Variants in POLDIP3 observed in about 807,000 individuals in gnomAD.
The protein encoded by POLDIP3 is DNA polymerase delta interacting protein 3, also known as polymerase delta-interacting protein 3.
In POLDIP3, 14 loss-of-function variants were observed where a neutral mutation model predicts 45.1. The ratio of observed to expected loss-of-function variants is 0.31; its 90% CI spans 0.20 to 0.49. POLDIP3 has a LOEUF of 0.49. Among genes scored for constraint, POLDIP3 ranks in the 20% least tolerant of loss-of-function variants. POLDIP3 has a pLI of 0.99. For synonymous variants in POLDIP3, 223 were observed against 205.2 expected (o/e 1.09, Z -0.74); for missense variants, 511 against 538.8 (o/e 0.95, Z 0.51).
At chr22:42,592,137 G>A (rs924529840) in intron 6 of POLDIP3, 53 bp from the exon 7 acceptor site, 52 of 1,609,002 alleles carry the variant, frequency 3.2e-5, no homozygotes, top group African/African-American at 2.9e-4. Flanking sequence ...AGCACCTGCC[G>A]CTCACACACT....
chr22:42,607,405 A>C (rs891533648), intron 1 of POLDIP3, among the ~76,000 whole-genome samples: 2 of 152,182 alleles, frequency 1.3e-5, no homozygotes, highest in East Asian at 1.9e-4. Flanking sequence ...AGTCTCGCTC[A>C]ATCAGTGCTC....
Position 42,585,975 on chromosome 22 carries a change from A to G in POLDIP3, c.1089-7T>C. The G allele has an allele frequency of 6.3e-7, 1 of 1,590,486 alleles. No individual in the cohort carries two copies. The highest frequency in any genetic ancestry group is 8.6e-7 in the Non-Finnish European group (1 of 1,169,152). On this transcript the variant is annotated splice_polypyrimidine_tract_variant and splice_region_variant and intron_variant, in intron 8 of 8. Transcript: ENST00000252115. Reference sequence around the variant, plus strand: ...TGGGCTGTCACTCAGCCGCCTGTGGAGAGCAGAGAAGAGTCAAAAATTCTT... The same window carrying G: ...TGGGCTGTCACTCAGCCGCCTGTGGGGAGCAGAGAAGAGTCAAAAATTCTT...
At chr22:42,608,785 G>A (rs986101071) in intron 1 of POLDIP3, among the ~76,000 whole-genome samples, 2 of 152,066 alleles carry the variant, frequency 1.3e-5, no homozygotes, top group African/African-American at 4.8e-5. Context: ...CACATTTAGG[G>A]GTGGGAGTTA....
At chr22:42,606,565 G>A (rs776730338) in intron 1 of POLDIP3, among the ~76,000 whole-genome samples, 11 of 152,302 alleles carry the variant, frequency 7.2e-5, no homozygotes, top group Admixed American at 3.3e-4. Context: ...CAATGTTGCC[G>A]TGAGCCAGGA....
Position 42,584,310 on chromosome 22 carries a change from C to T in POLDIP3, c.*1481G>A, listed in dbSNP as rs570678911. Reference sequence around the variant, plus strand: ...ACCAGGCCCCTTCCTTGGACTTTCCCGTCCTGGGCAGCCTCAGAGCCTGCA... The same window carrying T: ...ACCAGGCCCCTTCCTTGGACTTTCCTGTCCTGGGCAGCCTCAGAGCCTGCA... On this transcript the variant is annotated 3_prime_UTR_variant, in exon 9 of 9. Transcript: ENST00000252115. The T allele has an allele frequency of 1.7e-4, 26 of 155,780 alleles. No individual in the cohort carries two copies. Among genetic ancestry groups the T allele is most frequent in the Non-Finnish European group, 3.1e-4 (22 of 69,956 alleles). The allele number at this position is 155,780 out of a possible 1,614,324, so 9.6% of individuals were successfully genotyped here. A position where few individuals can be genotyped will look rare whatever the true frequency, so the allele number is the denominator to read the frequency against.
At chr22:42,609,485 G>C (rs908442854) in intron 1 of POLDIP3, among the ~76,000 whole-genome samples, 1 of 152,190 alleles carries the variant, frequency 6.6e-6, no homozygotes, top group Non-Finnish European at 1.5e-5. Context: ...GGTCTGTCTG[G>C]GCTATAGGAA....
chr22:42,603,079 T>A lies in POLDIP3; in HGVS notation c.141A>T (p.Thr47=). The change falls in exon 2 of 9, where the codon ACA becomes ACT. Residue 47 remains threonine, a synonymous_variant. Transcript: ENST00000252115. Reference sequence around the variant, plus strand: ...CATCAAATCTCTGCTGGAAGGTGGCTGTGCGTGTTGACTGGCTGAGAAGGC... The same window carrying A: ...CATCAAATCTCTGCTGGAAGGTGGCAGTGCGTGTTGACTGGCTGAGAAGGC... ...QQGLLSQSTR[T]ATFQQRFDAR... 1 of 1,614,202 alleles carries A rather than the reference T, an allele frequency of 6.2e-7. No homozygotes were observed. Among genetic ancestry groups the A allele is most frequent in the Non-Finnish European group, 8.5e-7 (1 of 1,180,032 alleles).
At position 42,592,031 on chromosome 22, in the gene POLDIP3, C is replaced by G. The variant is rs1925696948; in HGVS notation, c.945G>C (p.Gly315=). The G allele has an allele frequency of 6.2e-7, 1 of 1,614,232 alleles. No homozygotes were observed. Among genetic ancestry groups the G allele is most frequent in the East Asian group, 2.2e-5 (1 of 44,888 alleles). The change falls in exon 7 of 9, where the codon GGG becomes GGC. Residue 315 remains glycine (G), a synonymous_variant. Coordinates refer to ENST00000252115, the MANE Select transcript of POLDIP3 (RefSeq NM_032311.5). ...TTTTCACAAACACCACCTCCGCTAC[C>G]CCAGGATGGACCAGTCGAGCTCGCT... ...ALKRARLVHP[G]VAEVVFVKKD...
intron 4 of POLDIP3, among the ~76,000 whole-genome samples, chr22:42,597,222 G>A (rs1410885273): frequency 6.6e-6 from 1 of 152,224 alleles, no homozygotes; most frequent in Non-Finnish European, 1.5e-5. Context: ...GGAAAAAGGT[G>A]CATAAAGCAG....
intron 4 of POLDIP3, among the ~76,000 whole-genome samples, chr22:42,598,057 C>T (rs1926105652): frequency 1.3e-5 from 2 of 151,438 alleles, no homozygotes; most frequent in African/African-American, 2.4e-5. Flanking sequence ...GGATTACAGG[C>T]GTGAGCCACC....
intron 5 of POLDIP3, 94 bp from the exon 6 acceptor site, chr22:42,595,708 G>T: frequency 8.8e-7 from 1 of 1,142,076 alleles, no homozygotes. Flanking sequence ...GGAAGGCCCA[G>T]AGGAAAGCTC....
chr22:42,599,138 T>C (rs749777112), intron 4 of POLDIP3, among the ~76,000 whole-genome samples: 19 of 152,222 alleles, frequency 1.2e-4, no homozygotes, highest in Non-Finnish European at 1.3e-4. Flanking sequence ...ACTTTCCCTA[T>C]AGTGTCTCAA....
At chr22:42,605,370 G>A (rs1312790047) in intron 1 of POLDIP3, among the ~76,000 whole-genome samples, 2 of 152,186 alleles carry the variant, frequency 1.3e-5, no homozygotes, top group Admixed American at 6.5e-5. Flanking sequence ...CTCGTGATCC[G>A]CCTGCCTTGG....
chr22:42,592,780 G>C lies in POLDIP3; in HGVS notation c.892-696C>G, dbSNP rs539873303. 2.7e-3 allele frequency among the ~76,000 whole-genome samples: 411 copies of C among 152,234 alleles called. 4 individuals are homozygous for C. The highest frequency in any genetic ancestry group is 9.6e-3 in the African/African-American group (397 of 41,514). ...GGCAGTGCTTTGCACACATCATTGA[G>C]TCCGATCTCCACCTCATTTTACAGA... On this transcript the variant is annotated intron_variant, in intron 6 of 8. Transcript: ENST00000252115.
intron 3 of POLDIP3, among the ~76,000 whole-genome samples, chr22:42,600,349 G>A (rs1926272284): frequency 6.6e-6 from 1 of 152,232 alleles, no homozygotes; most frequent in African/African-American, 2.4e-5. Flanking sequence ...AACCATGGCT[G>A]GGCTCAGTGG....
rs150100076 is a variant in POLDIP3 at position 42,585,297 on chromosome 22, G to A, written c.*494C>T. 2.0e-5 allele frequency: 10 copies of A among 511,242 alleles called. No individual in the cohort carries two copies. Among genetic ancestry groups the A allele is most frequent in the Admixed American group, 1.2e-4 (6 of 50,590 alleles). 31.7% of individuals were successfully genotyped at this position (511,242 alleles called of 1,614,324 possible). On this transcript the variant is annotated 3_prime_UTR_variant, in exon 9 of 9. Transcript: ENST00000252115. The stretch of plus-strand genomic sequence containing the variant: ...ACCTCCACTGACAAGACAGAGGAGC[G>A]GCACAGCTCTCAGGCCGACCTGGCT...
At chr22:42,608,712 G>A (rs1266236005) in intron 1 of POLDIP3, among the ~76,000 whole-genome samples, 1 of 151,952 alleles carries the variant, frequency 6.6e-6, no homozygotes, top group African/African-American at 2.4e-5. Context: ...ATGCCTGCCT[G>A]GCAGGAAGGA....
rs1471083424 is a variant in POLDIP3 at position 42,595,548 on chromosome 22, C to A, written c.880G>T (p.Glu294Ter). The change falls in exon 6 of 9, where the codon GAG becomes TAG. Residue 294 changes from glutamate (E) to a stop codon, truncating the protein, a stop_gained. Coordinates refer to ENST00000252115, the MANE Select transcript of POLDIP3 (RefSeq NM_032311.5). LOFTEE classifies it high-confidence loss of function. ...GTCACAGTACTTACAACAATGTCCT[C>A]CTCAGTGACTCGAGGGTGCAGATTA... ...VNNLHPRVTE[E>*]DIVELFCVCG... 1 of 1,613,962 alleles carries A rather than the reference C, an allele frequency of 6.2e-7. No homozygotes were observed. The highest frequency in any genetic ancestry group is 8.5e-7 in the Non-Finnish European group (1 of 1,179,852).
At chr22:42,608,259 C>G (rs964159230) in intron 1 of POLDIP3, among the ~76,000 whole-genome samples, 7 of 130,652 alleles carry the variant, frequency 5.4e-5, no homozygotes, top group Non-Finnish European at 9.6e-5. Context: ...CCTTACCCCC[C>G]CCCCCAAAAA....
Sources: allele counts gnomAD v4.1 joint callset (sites outside exome capture counted in the v4.1 genomes callset), GRCh38; gene constraint gnomAD v4.1.1; transcripts MANE v1.5; gene names NCBI Gene and HGNC (gene_info 2026-07-23, HGNC 2026-07-21).